CWC27: variants seen among roughly 807,000 people sequenced by gnomAD.
The protein encoded by CWC27 is CWC27 spliceosome associated cyclophilin.
Under a neutral mutation model 63.6 loss-of-function variants are expected in CWC27, and 47 were observed. The ratio of observed to expected loss-of-function variants is 0.74; its 90% confidence interval spans 0.58 to 0.94. CWC27 has a LOEUF of 0.94. Among genes scored for constraint, CWC27 ranks in the 40% least tolerant of loss-of-function variants. The probability of loss-of-function intolerance (pLI) is 0.00; values close to 1 mark genes in which losing one functional copy is unlikely to be tolerated. For synonymous variants in CWC27, 175 were observed against 179.8 expected, an observed-to-expected ratio of 0.97 and a Z score of 0.22; for missense variants, 495 against 554.3, an observed-to-expected ratio of 0.89 and a Z score of 1.07.
chr5:64,917,176 T>C (rs1445798909), intron 11 of CWC27, among the ~76,000 whole-genome samples: 1 of 152,112 alleles, frequency 6.6e-6, no homozygotes, highest in African/African-American at 2.4e-5. Flanking sequence ...TTGCAGTATT[T>C]TGTGATGTCC....
chr5:64,986,046 G>A (rs1240842094), intron 13 of CWC27, among the ~76,000 whole-genome samples: 1 of 152,082 alleles, frequency 6.6e-6, no homozygotes, highest in Non-Finnish European at 1.5e-5. Flanking sequence ...AGATCTGATG[G>A]TTTTATAAGT....
At chr5:64,777,222 A>G (rs570362896) in intron 2 of CWC27, among the ~76,000 whole-genome samples, 3 of 152,250 alleles carry the variant, frequency 2.0e-5, no homozygotes, top group African/African-American at 7.2e-5. Context: ...TTCTTGTCTC[A>G]TCATGGTCCA....
chr5:64,778,767 TA>T (rs1448265671), intron 2 of CWC27, among the ~76,000 whole-genome samples: 1 of 152,188 alleles, frequency 6.6e-6, no homozygotes, highest in Non-Finnish European at 1.5e-5. Flanking sequence ...AGAGATACTT[TA>T]AGACCTTTTG....
intron 10 of CWC27, among the ~76,000 whole-genome samples, chr5:64,866,741 C>G (rs1029238253): frequency 6.6e-6 from 1 of 152,068 alleles, no homozygotes; most frequent in African/African-American, 2.4e-5. Context: ...CTTCTAATTT[C>G]ATTCCATGTG....
intron 10 of CWC27, among the ~76,000 whole-genome samples, chr5:64,841,590 G>A (rs569723842): frequency 1.3e-5 from 2 of 152,238 alleles, no homozygotes; most frequent in South Asian, 4.2e-4. Flanking sequence ...AAACCTATCA[G>A]ATCTTCCACA....
At position 64,786,382 on chromosome 5, in the gene CWC27, T is replaced by C. The variant is rs545198931; in HGVS notation, c.496-142T>C. The C allele has an allele frequency of 9.0e-6, 4 of 446,042 alleles. No individual in the cohort carries two copies. The Admixed American group carries it at 1.8e-4, about 20-fold the overall frequency. The allele number at this position is 446,042 out of a possible 1,614,324, so 27.6% of individuals were successfully genotyped here. A position where few individuals can be genotyped will look rare whatever the true frequency, so the allele number is the denominator to read the frequency against. Reference sequence around the variant, plus strand: ...AGGCCGTGTAAGTGGAAGCATGTTGTGTAGTAAATATATATCACTATACTA... The same window carrying C: ...AGGCCGTGTAAGTGGAAGCATGTTGCGTAGTAAATATATATCACTATACTA... On this transcript the variant is annotated intron_variant, in intron 5 of 13. Transcript: ENST00000381070.
intron 7 of CWC27, among the ~76,000 whole-genome samples, chr5:64,793,028 T>C (rs750754014): frequency 2.6e-5 from 4 of 152,164 alleles, no homozygotes; most frequent in Non-Finnish European, 5.9e-5. Context: ...CTCAGATAAC[T>C]AAAGAATGTA....
chr5:64,869,950 A>T (rs1015892073), intron 10 of CWC27, among the ~76,000 whole-genome samples: 2 of 151,982 alleles, frequency 1.3e-5, no homozygotes, highest in African/African-American at 2.4e-5. Flanking sequence ...GCCTCTGCCT[A>T]TCCCCTGCCC....
chr5:64,951,518 C>T (rs1181099053), intron 11 of CWC27, among the ~76,000 whole-genome samples: 2 of 151,824 alleles, frequency 1.3e-5, no homozygotes, highest in Non-Finnish European at 2.9e-5. Flanking sequence ...CATTCATGTG[C>T]CTATTGAAAG....
At chr5:64,912,027 T>A (rs113832366) in intron 11 of CWC27, among the ~76,000 whole-genome samples, 23,830 of 145,788 alleles carry the variant, frequency 0.16, 2,262 homozygotes, top group East Asian at 0.4. Context: ...TGAGCCGAGA[T>A]CGTGCCACTG....
chr5:64,924,901 G>A (rs907730438), intron 11 of CWC27, among the ~76,000 whole-genome samples: 6 of 151,628 alleles, frequency 4.0e-5, no homozygotes, highest in South Asian at 4.2e-4. Context: ...TTTATATACC[G>A]AAAGAAACTA....
At chr5:64,985,287 G>C (rs1452291897) in intron 13 of CWC27, among the ~76,000 whole-genome samples, 1 of 151,808 alleles carries the variant, frequency 6.6e-6, no homozygotes, top group Non-Finnish European at 1.5e-5. Flanking sequence ...TTTAGAATCA[G>C]TTTGTCTATT....
At chr5:65,014,578 A>G (rs915105610) in intron 13 of CWC27, among the ~76,000 whole-genome samples, 1 of 152,052 alleles carries the variant, frequency 6.6e-6, no homozygotes, top group African/African-American at 2.4e-5. Flanking sequence ...CCAATTCCAT[A>G]AAGAGCCGCA....
chr5:64,775,680 A>T (rs1467737833), intron 2 of CWC27, among the ~76,000 whole-genome samples: 1 of 152,140 alleles, frequency 6.6e-6, no homozygotes, highest in Non-Finnish European at 1.5e-5. Flanking sequence ...GATTTGAGTC[A>T]TAAAGTAACT....
At chr5:64,843,337 T>C (rs1345965266) in intron 10 of CWC27, among the ~76,000 whole-genome samples, 3 of 152,214 alleles carry the variant, frequency 2.0e-5, no homozygotes, top group Admixed American at 1.3e-4. Flanking sequence ...TTCACAACAA[T>C]AGAAAAAGTT....
intron 12 of CWC27, among the ~76,000 whole-genome samples, chr5:64,975,269 CT>C (rs1561176308): frequency 6.6e-6 from 1 of 152,164 alleles, no homozygotes; most frequent in Non-Finnish European, 1.5e-5. Flanking sequence ...ACCTACTTAA[CT>C]TTTTCATGAA....
intron 10 of CWC27, among the ~76,000 whole-genome samples, chr5:64,823,400 C>A (rs1242093178): frequency 2.0e-5 from 3 of 152,154 alleles, no homozygotes; most frequent in African/African-American, 7.2e-5. Context: ...AGAGTATTAT[C>A]TTTTAAGCGA....
chr5:64,837,951 A>G (rs7734180), intron 10 of CWC27, among the ~76,000 whole-genome samples: 4,319 of 152,222 alleles, frequency 0.028, 146 homozygotes, highest in African/African-American at 0.087. Context: ...ACCTTAGTTA[A>G]TACTACATTT....
intron 5 of CWC27, among the ~76,000 whole-genome samples, chr5:64,785,861 C>T (rs1237068831): frequency 6.6e-6 from 1 of 151,952 alleles, no homozygotes; most frequent in Non-Finnish European, 1.5e-5. Context: ...GTAGTGACTT[C>T]ATAGGTAATT....
Sources: gnomAD v4.1 joint callset for allele counts (sites outside exome capture counted in the v4.1 genomes callset) on GRCh38, gnomAD v4.1.1 for gene constraint, MANE v1.5 for transcripts, NCBI Gene and HGNC (gene_info 2026-07-23, HGNC 2026-07-21) for gene names.